Variants in TASOR observed in about 807,000 individuals in gnomAD.
TASOR encodes transcription activation suppressor.
TASOR carries 53 observed loss-of-function variants against 178.6 expected under a neutral mutation model. The observed-to-expected ratio is 0.30, with a 90% CI of 0.24 to 0.37. TASOR has a LOEUF of 0.37. Ranked by LOEUF, TASOR falls within the 10% of genes least tolerant of loss-of-function variation. The pLI is 1.00. For missense variants in TASOR, 1,815 were observed against 1,971.4 expected, an observed-to-expected ratio of 0.92 and a Z score of 1.50; for synonymous variants, 713 against 696.2, an observed-to-expected ratio of 1.02 and a Z score of -0.38.
intron 17 of TASOR, among the ~76,000 whole-genome samples, chr3:56,636,563 C>T (rs1483811763): frequency 6.6e-6 from 1 of 151,792 alleles, no homozygotes; most frequent in Admixed American, 6.6e-5. Context: ...AGCCACCATG[C>T]TCAGCTAATT....
In TASOR at chr3:56,662,285, A is replaced by G. The variant is rs886509711; in HGVS notation, c.1160+100T>C. ...AACCAACATTTATATTGAAGTTCTT[A>G]TGAACCAAAATAAAATTTAAATATG... On this transcript the variant is annotated intron_variant, in intron 9 of 23. Coordinates refer to ENST00000683822, the MANE Select transcript of TASOR (RefSeq NM_001365635.2). 6 of 698,480 alleles carry G rather than the reference A, an allele frequency of 8.6e-6. No homozygotes were observed. The African/African-American group carries it at 1.1e-4, about 13-fold the overall frequency. The allele number at this position is 698,480 out of a possible 1,614,324, so 43.3% of individuals were successfully genotyped here.
Position 56,621,159 on chromosome 3 carries a change from CA to C in TASOR, c.*1877del, listed in dbSNP as rs370427287. ...GGGCGACAGAGCGAGACTCCATCTCCAAAAAAAAACAAAACAACAACAACAA... is the reference window on the plus strand; with the variant it reads ...GGGCGACAGAGCGAGACTCCATCTCCAAAAAAAACAAAACAACAACAACAA... On this transcript the variant is annotated 3_prime_UTR_variant, in exon 24 of 24. Coordinates refer to ENST00000683822, the MANE Select transcript of TASOR (RefSeq NM_001365635.2). 2.8e-5 allele frequency: 4 copies of C among 142,586 alleles called. No individual in the cohort carries two copies. The highest frequency in any genetic ancestry group is 4.5e-5 in the Non-Finnish European group (3 of 66,484). 8.8% of individuals were successfully genotyped at this position (142,586 alleles called of 1,614,324 possible).
At chr3:56,665,501 C>T (rs186412303) in intron 7 of TASOR, among the ~76,000 whole-genome samples, 2 of 152,170 alleles carry the variant, frequency 1.3e-5, no homozygotes, top group African/African-American at 4.8e-5. Flanking sequence ...GGACTACAGG[C>T]ACGTACCACC....
At chr3:56,651,122 A>G (rs1268292143) in intron 11 of TASOR, among the ~76,000 whole-genome samples, 1 of 152,180 alleles carries the variant, frequency 6.6e-6, no homozygotes, top group Non-Finnish European at 1.5e-5. Flanking sequence ...CAAGCAATCT[A>G]TGATCAGAAA....
At chr3:56,651,365 C>T (rs2077347767) in intron 11 of TASOR, among the ~76,000 whole-genome samples, 1 of 151,896 alleles carries the variant, frequency 6.6e-6, no homozygotes, top group Non-Finnish European at 1.5e-5. Flanking sequence ...TATTATAGCA[C>T]TCCCCCACCC....
Position 56,662,436 on chromosome 3 carries a change from A to C in TASOR, c.1109T>G (p.Leu370Trp). ...KGQLLNKGKL[L>W]CYISLRSATR... Reference sequence around the variant, plus strand: ...GGCTGACCTCAGAGAAATATAACACAAAAGTTTTCCTTTATTTAAAAGCTG... The same window carrying C: ...GGCTGACCTCAGAGAAATATAACACCAAAGTTTTCCTTTATTTAAAAGCTG... The change falls in exon 9 of 24, where the codon TTG becomes TGG. Residue 370 changes from leucine to tryptophan, a missense_variant. Coordinates refer to ENST00000683822, the MANE Select transcript of TASOR (RefSeq NM_001365635.2). 1 of 1,548,640 alleles carries C rather than the reference A, an allele frequency of 6.5e-7. No individual in the cohort carries two copies. Among genetic ancestry groups the C allele is most frequent in the Non-Finnish European group, 8.7e-7 (1 of 1,145,482 alleles).
chr3:56,646,351 C>CTACA (rs2077237982), intron 14 of TASOR, among the ~76,000 whole-genome samples, 171 bp downstream of exon 14: 1 of 152,116 alleles, frequency 6.6e-6, no homozygotes, highest in Non-Finnish European at 1.5e-5. Context: ...ATGAGAGCAG[C>CTACA]TACATACACA....
intron 11 of TASOR, among the ~76,000 whole-genome samples, chr3:56,652,769 TTTAAAA>T (rs2077379400): frequency 1.3e-5 from 2 of 152,054 alleles, no homozygotes; most frequent in African/African-American, 4.8e-5. Context: ...AAATGTAACT[TTTAAAA>T]ATAAAAAACA....
chr3:56,621,186 A>C lies in TASOR; in HGVS notation c.*1851T>G, dbSNP rs34284682. ...AAAAAAAACAAAACAACAACAACAA[A>C]AAAAAAACACTGTATGTTAAGGGAG... On this transcript the variant is annotated 3_prime_UTR_variant, in exon 24 of 24. Transcript: ENST00000683822. The C allele has an allele frequency of 0.044, 7,099 of 161,276 alleles. 190 individuals are homozygous for C. Among genetic ancestry groups the C allele is most frequent in the South Asian group, 0.071 (352 of 4,968 alleles). 10.0% of individuals were successfully genotyped at this position (161,276 alleles called of 1,614,324 possible). A position where few individuals can be genotyped will look rare whatever the true frequency, so the allele number is the denominator to read the frequency against.
intron 17 of TASOR, among the ~76,000 whole-genome samples, chr3:56,634,937 G>A (rs549941320): frequency 7.2e-5 from 11 of 152,302 alleles, no homozygotes; most frequent in African/African-American, 2.6e-4. Context: ...AAAAACTCAT[G>A]ATCTTTGCTT....
At chr3:56,678,020 C>G (rs558038070) in intron 1 of TASOR, among the ~76,000 whole-genome samples, 7 of 151,984 alleles carry the variant, frequency 4.6e-5, no homozygotes, top group Non-Finnish European at 1.0e-4. Flanking sequence ...TTTTACGAGA[C>G]TGAAGAGCAG....
At chr3:56,670,772 C>T (rs1212180586) in intron 3 of TASOR, among the ~76,000 whole-genome samples, 1 of 151,042 alleles carries the variant, frequency 6.6e-6, no homozygotes, top group African/African-American at 2.4e-5. Flanking sequence ...CCCAACTCTA[C>T]TAAAAACGCA....
intron 1 of TASOR, among the ~76,000 whole-genome samples, chr3:56,675,972 C>T (rs866742661): frequency 1.3e-5 from 2 of 152,096 alleles, no homozygotes; most frequent in East Asian, 1.9e-4. Context: ...CCACTATTTT[C>T]GAACTGTGCA....
chr3:56,650,478 G>A lies in TASOR; in HGVS notation c.1369-1421C>T, dbSNP rs575358718. 2.6e-5 allele frequency among the ~76,000 whole-genome samples: 4 copies of A among 152,264 alleles called. No individual in the cohort carries two copies. In the South Asian group the frequency reaches 8.3e-4, roughly 32 times the overall value. The stretch of plus-strand genomic sequence containing the variant: ...TAGTGGAAGCAGGCTGGTGGTATGG[G>A]ACAGATAAAGTCATGGGGTCAGATG... On this transcript the variant is annotated intron_variant, in intron 11 of 23. Transcript: ENST00000683822.
At chr3:56,681,604 AGATG>A (rs1391959151) in intron 1 of TASOR, among the ~76,000 whole-genome samples, 1 of 152,250 alleles carries the variant, frequency 6.6e-6, no homozygotes, top group Non-Finnish European at 1.5e-5. Context: ...ACTCTGTACC[AGATG>A]GATGGAAAAG....
At chr3:56,672,922 G>A (rs1018439506) in intron 2 of TASOR, among the ~76,000 whole-genome samples, 15 of 152,192 alleles carry the variant, frequency 9.9e-5, no homozygotes, top group Non-Finnish European at 2.9e-5. Context: ...ACGGGTTCAA[G>A]CAATTCTCCT....
chr3:56,626,640 G>T (rs907932337), intron 21 of TASOR, among the ~76,000 whole-genome samples: 4 of 152,132 alleles, frequency 2.6e-5, no homozygotes, highest in Admixed American at 6.5e-5. Flanking sequence ...CTACTTGAGA[G>T]GCTGAGGTAG....
chr3:56,671,475 T>G (rs933713263), intron 3 of TASOR, 125 bp downstream of exon 3: 26 of 618,776 alleles, frequency 4.2e-5, no homozygotes, highest in Non-Finnish European at 6.9e-5. Flanking sequence ...CCCCATTAAA[T>G]CATGTATTCC....
At chr3:56,667,888 T>C (rs1578281604) in intron 6 of TASOR, among the ~76,000 whole-genome samples, 1 of 152,220 alleles carries the variant, frequency 6.6e-6, no homozygotes, top group South Asian at 2.1e-4. Context: ...TATATGTCAA[T>C]TATACTTGAA....
Sources: allele counts gnomAD v4.1 joint callset (sites outside exome capture counted in the v4.1 genomes callset), GRCh38; gene constraint gnomAD v4.1.1; transcripts MANE v1.5; gene names NCBI Gene and HGNC (gene_info 2026-07-23, HGNC 2026-07-21).